The following CRBN variants were observed in gnomAD, a reference collection of about 807,000 sequenced individuals.
The protein encoded by CRBN is cereblon.
In CRBN, 53 loss-of-function variants were observed where a neutral mutation model predicts 62.2. The observed-to-expected ratio is 0.85, with a 90% CI of 0.68 to 1.07. CRBN has a LOEUF of 1.07. Among genes scored for constraint, CRBN ranks in the 50% least tolerant of loss-of-function variants. CRBN has a pLI of 0.00. For synonymous variants in CRBN, 208 were observed against 176.1 expected, an observed-to-expected ratio of 1.18 and a Z score of -1.43; for missense variants, 616 against 531.1, an observed-to-expected ratio of 1.16 and a Z score of -1.57.
chr3:3,174,653 AG>A (rs1707758470), intron 2 of CRBN, among the ~76,000 whole-genome samples: 3 of 143,714 alleles, frequency 2.1e-5, no homozygotes, highest in Admixed American at 7.2e-5. Context: ...TCAAAAAAAA[AG>A]AAAAAAATAC....
intron 5 of CRBN, among the ~76,000 whole-genome samples, chr3:3,158,066 A>G (rs1015791450): frequency 2.6e-5 from 4 of 152,158 alleles, no homozygotes; most frequent in Non-Finnish European, 5.9e-5. Flanking sequence ...CTATGCAAAG[A>G]TCAGCCGTCC....
At chr3:3,175,990 C>T (rs1278275239) in intron 1 of CRBN, among the ~76,000 whole-genome samples, 1 of 152,150 alleles carries the variant, frequency 6.6e-6, no homozygotes, top group African/African-American at 2.4e-5. Flanking sequence ...GATCACCTGG[C>T]TACAGCAGTG....
Position 3,153,946 on chromosome 3 carries a change from TTCACTTTAC to T in CRBN, c.951+5_951+13del. The T allele has an allele frequency of 6.6e-7, 1 of 1,506,268 alleles. No individual in the cohort carries two copies. The allele number at this position is 1,506,268 out of a possible 1,614,324, so 93.3% of individuals were successfully genotyped here. A position where few individuals can be genotyped will look rare whatever the true frequency, so the allele number is the denominator to read the frequency against. ...ATAAAACATGGGCATCAAAAACATA[TTCACTTTAC>T]TCACTTTATTCATAATGTCTAATTC... is the stretch of plus-strand genomic sequence containing the variant. On this transcript the variant is annotated splice_donor_5th_base_variant and intron_variant, in intron 8 of 10. Coordinates refer to ENST00000231948, the MANE Select transcript of CRBN (RefSeq NM_016302.4).
chr3:3,175,357 C>T, intron 1 of CRBN, 88 bp from the exon 2 acceptor site: 1 of 963,852 alleles, frequency 1.0e-6, no homozygotes, highest in Non-Finnish European at 1.6e-6. Flanking sequence ...AGGGGTACTT[C>T]TAAAACCACA....
rs763181247 is a variant in CRBN at position 3,152,605 on chromosome 3, CA to C, written c.1017-19del. ...AGGATAAACTAAAACAAAGAATCAA[CA>C]TGGAGAACACGTCAAAACGAGAAGT... On this transcript the variant is annotated intron_variant, in intron 9 of 10. Transcript: ENST00000231948. 1 of 1,613,900 alleles carries C rather than the reference CA, an allele frequency of 6.2e-7. No individual in the cohort carries two copies. Among genetic ancestry groups the C allele is most frequent in the Non-Finnish European group, 8.5e-7 (1 of 1,179,912 alleles).
At chr3:3,174,000 G>T in intron 3 of CRBN, 59 bp downstream of exon 3, 1 of 1,405,360 alleles carries the variant, frequency 7.1e-7, no homozygotes, top group South Asian at 1.2e-5. Context: ...CTTCAACACT[G>T]ACCACTGCAA....
chr3:3,168,997 T>C (rs930180541), intron 4 of CRBN, among the ~76,000 whole-genome samples: 1 of 152,222 alleles, frequency 6.6e-6, no homozygotes, highest in African/African-American at 2.4e-5. Context: ...TTAATTACAT[T>C]ATGAAGGTAA....
At chr3:3,172,592 A>G in intron 4 of CRBN, 184 bp downstream of exon 4, 2 of 625,768 alleles carry the variant, frequency 3.2e-6, no homozygotes, top group South Asian at 3.9e-5. Context: ...TATAGTTTTA[A>G]AAGCTTCCCA....
At chr3:3,160,838 T>G (rs1163370743) in intron 5 of CRBN, among the ~76,000 whole-genome samples, 1 of 152,084 alleles carries the variant, frequency 6.6e-6, no homozygotes, top group Non-Finnish European at 1.5e-5. Flanking sequence ...AAAAGTAAAA[T>G]AAACATATGA....
chr3:3,154,796 A>C lies in CRBN; in HGVS notation c.786T>G (p.Arg262=). Reference sequence around the variant, plus strand: ...CATCTTTTAGATTTTCATCCCATTCACGTAGCTGTTTCTTGATTCTGTCCA... The same window carrying C: ...CATCTTTTAGATTTTCATCCCATTCCCGTAGCTGTTTCTTGATTCTGTCCA... ...TLMDRIKKQL[R]EWDENLKDDS... The change falls in exon 7 of 11, where the codon CGT becomes CGG. Residue 262 remains arginine, a synonymous_variant. Coordinates refer to ENST00000231948, the MANE Select transcript of CRBN (RefSeq NM_016302.4). The C allele has an allele frequency of 6.2e-7, 1 of 1,607,640 alleles. No individual in the cohort carries two copies. Among genetic ancestry groups the C allele is most frequent in the South Asian group, 1.1e-5 (1 of 90,932 alleles).
intron 5 of CRBN, among the ~76,000 whole-genome samples, chr3:3,161,400 T>C (rs1348290288): frequency 6.6e-6 from 1 of 152,214 alleles, no homozygotes; most frequent in East Asian, 1.9e-4. Context: ...TCAGGTTTGA[T>C]ACTACATTGC....
At position 3,174,274 on chromosome 3, in the gene CRBN, A is replaced by C; in HGVS notation, c.175-13T>G. The stretch of plus-strand genomic sequence containing the variant: ...CAGCACCTAGGTACTATATAAAAAC[A>C]TATATAGGTATAGTGTCATGATCGA... On this transcript the variant is annotated splice_polypyrimidine_tract_variant and intron_variant, in intron 2 of 10. Transcript: ENST00000231948. 1 of 1,525,574 alleles carries C rather than the reference A, an allele frequency of 6.6e-7. No homozygotes were observed. The highest frequency in any genetic ancestry group is 9.1e-7 in the Non-Finnish European group (1 of 1,098,942). 94.5% of individuals were successfully genotyped at this position (1,525,574 alleles called of 1,614,324 possible).
At chr3:3,168,027 T>C (rs1247064796) in intron 4 of CRBN, among the ~76,000 whole-genome samples, 1 of 65,112 alleles carries the variant, frequency 1.5e-5, no homozygotes, top group Non-Finnish European at 3.3e-5. Flanking sequence ...TCAATGTCAC[T>C]GTGGAATGGA....
rs115936425 is a variant in CRBN, at chr3:3,178,705, C to A, written c.67+916G>T. 3.8e-3 allele frequency among the ~76,000 whole-genome samples: 579 copies of A among 152,280 alleles called. 5 individuals are homozygous for A. Among genetic ancestry groups the A allele is most frequent in the African/African-American group, 0.013 (547 of 41,556 alleles). On this transcript the variant is annotated intron_variant, in intron 1 of 10. Coordinates refer to ENST00000231948, the MANE Select transcript of CRBN (RefSeq NM_016302.4). ...CGTTTAGTTATATTCTCAGCAGCCC[C>A]GCCTAGACAGTAAACCTCAATTATC...
At chr3:3,165,220 A>G (rs1178067377) in intron 5 of CRBN, among the ~76,000 whole-genome samples, 1 of 152,210 alleles carries the variant, frequency 6.6e-6, no homozygotes, top group African/African-American at 2.4e-5. Context: ...GAAGAAATCT[A>G]CTGCTGAAGA....
chr3:3,164,308 G>C (rs1707244319), intron 5 of CRBN, among the ~76,000 whole-genome samples: 1 of 152,192 alleles, frequency 6.6e-6, no homozygotes, highest in Admixed American at 6.5e-5. Context: ...TAGGCCTCCT[G>C]GGGCAAACAG....
chr3:3,171,428 T>C (rs1464297019), intron 4 of CRBN, among the ~76,000 whole-genome samples: 1 of 152,096 alleles, frequency 6.6e-6, no homozygotes, highest in Non-Finnish European at 1.5e-5. Context: ...CATTCATTTA[T>C]ATAAAATTTA....
At chr3:3,171,772 G>C (rs1707626994) in intron 4 of CRBN, among the ~76,000 whole-genome samples, 1 of 152,074 alleles carries the variant, frequency 6.6e-6, no homozygotes, top group African/African-American at 2.4e-5. Context: ...TGTTTTTTCA[G>C]TCTTAATCCC....
At chr3:3,179,498 G>T in intron 1 of CRBN, 123 bp downstream of exon 1, 1 of 894,488 alleles carries the variant, frequency 1.1e-6, no homozygotes, top group Non-Finnish European at 1.8e-6. Context: ...TTCCGGTGCG[G>T]CCCTGCTGGG....
Sources: allele counts gnomAD v4.1 joint callset (sites outside exome capture counted in the v4.1 genomes callset), GRCh38; gene constraint gnomAD v4.1.1; transcripts MANE v1.5; gene names NCBI Gene and HGNC (gene_info 2026-07-23, HGNC 2026-07-21).